ZNF821: variants seen among roughly 807,000 people sequenced by gnomAD.
ZNF821 encodes zinc finger protein 821.
ZNF821 carries 16 observed loss-of-function variants against 44.3 expected under a neutral mutation model. The observed-to-expected ratio is 0.36, with a 90% CI of 0.24 to 0.55. The LOEUF is 0.55. Ranked by LOEUF, ZNF821 falls within the 20% of genes least tolerant of loss-of-function variation. The probability of loss-of-function intolerance (pLI) is 0.86; values close to 1 mark genes in which losing one functional copy is unlikely to be tolerated. For missense variants in ZNF821, 436 were observed against 547.6 expected, an observed-to-expected ratio of 0.80 and a Z score of 2.03; for synonymous variants, 204 against 197.6, an observed-to-expected ratio of 1.03 and a Z score of -0.27.
intron 4 of ZNF821, among the ~76,000 whole-genome samples, chr16:71,865,691 C>T (rs911634299): frequency 1.3e-5 from 2 of 152,218 alleles, no homozygotes; most frequent in South Asian, 2.1e-4. Flanking sequence ...CCGACTCACT[C>T]GGTTCTTACT....
chr16:71,892,268 A>G (rs916788020), intron 1 of ZNF821, among the ~76,000 whole-genome samples: 1 of 130,936 alleles, frequency 7.6e-6, no homozygotes, highest in African/African-American at 2.8e-5. Context: ...CTTTTAGCTT[A>G]TCTTTTTTCA....
intron 3 of ZNF821, among the ~76,000 whole-genome samples, chr16:71,873,244 C>T (rs1459847251): frequency 6.6e-6 from 1 of 152,008 alleles, no homozygotes; most frequent in Non-Finnish European, 1.5e-5. Context: ...ATTGCCTGAA[C>T]CTGGGAGGCG....
rs2036261235 is a variant in ZNF821, at chr16:71,880,027, C to T, written c.-77-4G>A. On this transcript the variant is annotated splice_polypyrimidine_tract_variant and splice_region_variant and intron_variant, in intron 2 of 7. Transcript: ENST00000425432. The stretch of plus-strand genomic sequence containing the variant: ...TACCTCCTTGCAAGATGCTAACCTG[C>T]AATAAAAAAGGTTATTGTTAGCACA... The T allele has an allele frequency of 7.4e-7, 1 of 1,353,976 alleles. No individual in the cohort carries two copies. Among genetic ancestry groups the T allele is most frequent in the South Asian group, 1.3e-5 (1 of 76,162 alleles). The allele number at this position is 1,353,976 out of a possible 1,614,324, so 83.9% of individuals were successfully genotyped here.
rs2036720473 is a variant in ZNF821, at chr16:71,884,096, T to TGCAGACGG, written c.-337_-330dup. 6.6e-6 allele frequency: 1 copy of TGCAGACGG among 151,730 alleles called. No homozygotes were observed. Among genetic ancestry groups the TGCAGACGG allele is most frequent in the South Asian group, 2.1e-4 (1 of 4,826 alleles). 9.4% of individuals were successfully genotyped at this position (151,730 alleles called of 1,614,324 possible). ...GTGGCGGGGAGCCGAGGGGCGGCGCTGCAGACGGACAAAGCCAACAGCAGA... is the reference window on the plus strand; with the variant it reads ...GTGGCGGGGAGCCGAGGGGCGGCGCTGCAGACGGGCAGACGGACAAAGCCAACAGCAGA... On this transcript the variant is annotated 5_prime_UTR_variant, in exon 1 of 8. Transcript: ENST00000425432.
chr16:71,893,055 A>C (rs1156762488), intron 1 of ZNF821, among the ~76,000 whole-genome samples: 1 of 29,332 alleles, frequency 3.4e-5, no homozygotes, highest in Non-Finnish European at 5.8e-5. Context: ...TTTGAGATAT[A>C]GTCTGGCTCT....
Position 71,868,031 on chromosome 16 carries a change from T to A in ZNF821, c.47A>T (p.Gln16Leu). 6.5e-7 allele frequency: 1 copy of A among 1,535,144 alleles called. No homozygotes were observed. Among genetic ancestry groups the A allele is most frequent in the Non-Finnish European group, 8.7e-7 (1 of 1,146,564 alleles). ...QTNPNKVHWD[Q>L]VFAGLEEQAR... is the part of the protein sequence containing the mutation. ...TTGCTCTTCTAGCCCAGCAAATACT[T>A]GATCCCCTGGTGGTCACAAGGAAAA... Residue 16 changes from glutamine (Q) to leucine (L), a missense_variant, in exon 4 of 8, where the codon CAA (glutamine) becomes CTA (leucine). This residue lies in a region of ZNF821 where 238 missense variants were observed against 281.4 expected (regional missense o/e 0.85). Coordinates refer to ENST00000425432, the MANE Select transcript of ZNF821 (RefSeq NM_001201552.2).
At chr16:71,864,708 G>T in intron 5 of ZNF821, 195 bp downstream of exon 5, 1 of 629,146 alleles carries the variant, frequency 1.6e-6, no homozygotes, top group South Asian at 2.1e-5. Flanking sequence ...GCGATTCGTG[G>T]ATGGAAAAGG....
chr16:71,877,803 C>T (rs2035984021), intron 3 of ZNF821, among the ~76,000 whole-genome samples: 2 of 151,008 alleles, frequency 1.3e-5, no homozygotes, highest in Non-Finnish European at 3.0e-5. Flanking sequence ...ACCTGTAGTC[C>T]CAGCTACTCG....
rs763353127 is a variant in ZNF821 at position 71,864,917 on chromosome 16, C to T, written c.298G>A (p.Val100Met). ...NTEQPVGGNE[V>M]VEHEVTGNLN... ...TCGTCACTTGCCTCGTGCTCTACCA[C>T]TTCGTTCCCACCAACAGGCTGTTCT... Residue 100 changes from valine (V) to methionine (M), a missense_variant, in exon 5 of 8, where the codon GTG (valine) becomes ATG (methionine). Val to Met is a conservative substitution (Grantham distance 21, BLOSUM62 1). Around this residue, in one of 5 missense-constraint regions of ZNF821, gnomAD observed 238 missense variants for 281.4 expected, o/e 0.85. Coordinates refer to ENST00000425432, the MANE Select transcript of ZNF821 (RefSeq NM_001201552.2). The T allele has an allele frequency of 1.9e-6, 3 of 1,614,086 alleles. No homozygotes were observed.
At chr16:71,867,739 T>C (rs1199709437) in intron 4 of ZNF821, among the ~76,000 whole-genome samples, 173 bp downstream of exon 4, 1 of 152,116 alleles carries the variant, frequency 6.6e-6, no homozygotes, top group Non-Finnish European at 1.5e-5. Context: ...GTCCTCTTTT[T>C]CTGGATAAAC....
chr16:71,875,686 T>G (rs1015654555), intron 3 of ZNF821, among the ~76,000 whole-genome samples: 3 of 152,094 alleles, frequency 2.0e-5, no homozygotes, highest in African/African-American at 7.2e-5. Context: ...ATGGTCTCGA[T>G]CTCCTGACCT....
rs1186072994 is a variant in ZNF821 at position 71,861,785 on chromosome 16, G to C, written c.575C>G (p.Thr192Ser). Residue 192 changes from threonine to serine, a missense_variant, in exon 7 of 8, where the codon ACT becomes AGT. Physicochemically the swap from Thr to Ser is moderately conservative, Grantham distance 58 (BLOSUM62 1). Coordinates refer to ENST00000425432, the MANE Select transcript of ZNF821 (RefSeq NM_001201552.2). ...VCGARFTSHATFNSEKLPEVL... is the reference protein window; with the variant it reads ...VCGARFTSHASFNSEKLPEVL... ...TAAGTGCCCAGCTGACCTGTTAAAAGTGGCATGGCTGGTGAACCGGGCTCC... is the reference window on the plus strand; with the variant it reads ...TAAGTGCCCAGCTGACCTGTTAAAACTGGCATGGCTGGTGAACCGGGCTCC... 6.2e-7 allele frequency: 1 copy of C among 1,614,028 alleles called. No homozygotes were observed. Among genetic ancestry groups the C allele is most frequent in the South Asian group, 1.1e-5 (1 of 91,080 alleles).
At chr16:71,867,383 A>G (rs572805241) in intron 4 of ZNF821, among the ~76,000 whole-genome samples, 15 of 152,278 alleles carry the variant, frequency 9.9e-5, no homozygotes, top group Middle Eastern at 3.4e-3. Flanking sequence ...ACTGTAGTCC[A>G]TAAGTTAAAA....
intron 3 of ZNF821, among the ~76,000 whole-genome samples, chr16:71,872,247 GGT>G (rs1183204901): frequency 3.9e-5 from 6 of 152,110 alleles, no homozygotes; most frequent in Non-Finnish European, 8.8e-5. Flanking sequence ...TTCTCTCTTG[GGT>G]CCTTGGTGCA....
intron 3 of ZNF821, among the ~76,000 whole-genome samples, chr16:71,870,062 G>A (rs139521236): frequency 1.3e-5 from 2 of 152,174 alleles, no homozygotes; most frequent in East Asian, 1.9e-4. Context: ...CCTAGTGTTA[G>A]TGTTTCCTTC....
At chr16:71,866,498 T>C (rs1196780741) in intron 4 of ZNF821, among the ~76,000 whole-genome samples, 1 of 152,224 alleles carries the variant, frequency 6.6e-6, no homozygotes, top group Non-Finnish European at 1.5e-5. Flanking sequence ...GATTACATCA[T>C]ACCATGTTTT....
chr16:71,864,626 A>G (rs2034318997), intron 5 of ZNF821: 1 of 457,536 alleles, frequency 2.2e-6, no homozygotes, highest in Non-Finnish European at 3.9e-6. Context: ...TCAGCTTTCT[A>G]CTTCAACAAA....
At position 71,860,509 on chromosome 16, in the gene ZNF821, C is replaced by T. The variant is rs779066729; in HGVS notation, c.748G>A (p.Ala250Thr). ...NCAAYRKLLE[A>T]QTPSVRKWAL... is the part of the protein sequence containing the mutation. ...CACTTGCGTACACTGGGAGTCTGGG[C>T]TTCCAGCAGTTTACGGTAGGCAGCA... Residue 250 changes from alanine (A) to threonine (T), a missense_variant, in exon 8 of 8, where the codon GCC becomes ACC. Around this residue, in one of 5 missense-constraint regions of ZNF821, gnomAD observed 68 missense variants for 57.0 expected, o/e 1.19. Transcript: ENST00000425432. This position sits in a 1 kb window ranked among gnomAD's most constrained non-coding sequence, Gnocchi z 7.3. The T allele has an allele frequency of 1.9e-6, 3 of 1,614,068 alleles. No individual in the cohort carries two copies. The Admixed American group carries it at 5.0e-5, about 27-fold the overall frequency.
At chr16:71,875,878 C>T (rs987135480) in intron 3 of ZNF821, among the ~76,000 whole-genome samples, 7 of 152,220 alleles carry the variant, frequency 4.6e-5, no homozygotes, top group African/African-American at 1.7e-4. Flanking sequence ...GGATTACAAG[C>T]GTGAGCTATC....
Sources: allele counts gnomAD v4.1 joint callset (sites outside exome capture counted in the v4.1 genomes callset), GRCh38; gene constraint gnomAD v4.1.1; regional missense constraint gnomAD v4.1.1; non-coding constraint Gnocchi (gnomAD v3.1); transcripts MANE v1.5; gene names NCBI Gene and HGNC (gene_info 2026-07-23, HGNC 2026-07-21).